MIER1: variants seen among roughly 807,000 people sequenced by gnomAD.
MIER1 encodes the protein mesoderm induction early response protein 1.
A neutral mutation model predicts 75.7 loss-of-function variants in MIER1; 40 were observed. That is an observed-to-expected ratio of 0.53 (90% confidence interval 0.41 to 0.69). MIER1 has a LOEUF of 0.69. Ranked by LOEUF, MIER1 falls within the 30% of genes least tolerant of loss-of-function variation. The probability of loss-of-function intolerance (pLI) is 0.00; values close to 1 mark genes in which losing one functional copy is unlikely to be tolerated. For missense variants in MIER1, 574 were observed against 680.2 expected, an observed-to-expected ratio of 0.84 and a Z score of 1.74; for synonymous variants, 213 against 223.4, an observed-to-expected ratio of 0.95 and a Z score of 0.42.
intron 13 of MIER1, among the ~76,000 whole-genome samples, chr1:66,984,015 C>T (rs1211391659): frequency 3.9e-5 from 6 of 152,228 alleles, no homozygotes; most frequent in African/African-American, 1.2e-4. Context: ...TGAGCCACTG[C>T]ACCCAGCCTT....
At position 66,987,146 on chromosome 1, in the gene MIER1, T is replaced by C. The variant is rs144768827; in HGVS notation, c.*2246T>C. On this transcript the variant is annotated 3_prime_UTR_variant, in exon 14 of 14. Transcript: ENST00000401041. ...CCTAATGAAAGACATTCCACTATTA[T>C]GCGTAATGCTCAGCTTTTTGTAAAG... is the stretch of plus-strand genomic sequence containing the variant. 5 of 152,874 alleles carry C rather than the reference T, an allele frequency of 3.3e-5. No homozygotes were observed. Among genetic ancestry groups the C allele is most frequent in the Admixed American group, 2.0e-4 (3 of 15,304 alleles). The allele number at this position is 152,874 out of a possible 1,614,324, so 9.5% of individuals were successfully genotyped here.
Position 66,986,239 on chromosome 1 carries a change from CTGTG to C in MIER1, c.*1342_*1345del. The C allele has an allele frequency of 7.5e-7, 1 of 1,328,446 alleles. No homozygotes were observed. The highest frequency in any genetic ancestry group is 1.5e-5 in the African/African-American group (1 of 66,684). The allele number at this position is 1,328,446 out of a possible 1,614,324, so 82.3% of individuals were successfully genotyped here. On this transcript the variant is annotated 3_prime_UTR_variant, in exon 14 of 14. Coordinates refer to ENST00000401041, the MANE Select transcript of MIER1 (RefSeq NM_001077700.3). ...AATAAGATACACAATAATCATTGCT[CTGTG>C]TGATTACAGATAGGATTATCCATCT... is the stretch of plus-strand genomic sequence containing the variant.
chr1:66,984,692 A>G lies in MIER1; in HGVS notation c.1490A>G (p.Asn497Ser). Residue 497 changes from asparagine to serine, a missense_variant, in exon 14 of 14, where the codon AAT becomes AGT. Transcript: ENST00000401041. ...CCACTTCATGCAGATATGGATACTA[A>G]TGGTTATGAAACAGATAACCTTACC... ...KKPLHADMDTNGYETDNLTTD... is the reference protein window; with the variant it reads ...KKPLHADMDTSGYETDNLTTD... 1 of 1,614,074 alleles carries G rather than the reference A, an allele frequency of 6.2e-7. No individual in the cohort carries two copies.
chr1:66,985,741 T>G lies in MIER1; in HGVS notation c.*841T>G. On this transcript the variant is annotated 3_prime_UTR_variant, in exon 14 of 14. Transcript: ENST00000401041. The stretch of plus-strand genomic sequence containing the variant: ...TTTTGCTAAGGTTTTTCTAATGAAT[T>G]TTTAAGTGTTTGTGTAGTAATTAAG... 1 of 979,878 alleles carries G rather than the reference T, an allele frequency of 1.0e-6. No individual in the cohort carries two copies. Among genetic ancestry groups the G allele is most frequent in the Non-Finnish European group, 1.2e-6 (1 of 824,984 alleles). The allele number at this position is 979,878 out of a possible 1,614,324, so 60.7% of individuals were successfully genotyped here.
chr1:66,937,109 A>G (rs1044318662), intron 2 of MIER1, among the ~76,000 whole-genome samples: 2 of 152,054 alleles, frequency 1.3e-5, no homozygotes, highest in African/African-American at 4.8e-5. Flanking sequence ...ACAAAAGGAC[A>G]CTATAAAAGG....
At chr1:66,942,135 TATAA>T (rs1447191642) in intron 3 of MIER1, among the ~76,000 whole-genome samples, 1 of 152,216 alleles carries the variant, frequency 6.6e-6, no homozygotes, top group African/African-American at 2.4e-5. Flanking sequence ...TTATTGTTCT[TATAA>T]ATAATGTTAA....
At position 66,988,113 on chromosome 1, in the gene MIER1, T is replaced by TGTGTGCTCATGACCCTA. The variant is rs142144569; in HGVS notation, c.*3214_*3215insTGTGCTCATGACCCTAG. On this transcript the variant is annotated 3_prime_UTR_variant, in exon 14 of 14. Transcript: ENST00000401041. Reference sequence around the variant, plus strand: ...GTGAATATAATAGGCAATATTTACATGGGGTGTGTAACTAAATACCAAATC... The same window carrying TGTGTGCTCATGACCCTA: ...GTGAATATAATAGGCAATATTTACATGTGTGCTCATGACCCTAGGGGTGTGTAACTAAATACCAAATC... 49 of 152,180 alleles carry TGTGTGCTCATGACCCTA rather than the reference T, an allele frequency of 3.2e-4. No homozygotes were observed. The highest frequency in any genetic ancestry group is 5.9e-4 in the Admixed American group (9 of 15,270). 9.4% of individuals were successfully genotyped at this position (152,180 alleles called of 1,614,324 possible). A position where few individuals can be genotyped will look rare whatever the true frequency, so the allele number is the denominator to read the frequency against.
At position 66,940,908 on chromosome 1, in the gene MIER1, G is replaced by C. The variant is rs372039288; in HGVS notation, c.193+856G>C. 6.6e-5 allele frequency among the ~76,000 whole-genome samples: 10 copies of C among 152,294 alleles called. No individual in the cohort carries two copies. The East Asian group carries it at 1.4e-3, about 21-fold the overall frequency. ...CTGCATGGGATATGTGGGTTAAAGAGTAGTCCAATATAGAAGAGTGAGAAA... is the reference window on the plus strand; with the variant it reads ...CTGCATGGGATATGTGGGTTAAAGACTAGTCCAATATAGAAGAGTGAGAAA... On this transcript the variant is annotated intron_variant, in intron 3 of 13. Coordinates refer to ENST00000401041, the MANE Select transcript of MIER1 (RefSeq NM_001077700.3).
At chr1:66,934,670 T>A (rs957335578) in intron 2 of MIER1, among the ~76,000 whole-genome samples, 1 of 151,978 alleles carries the variant, frequency 6.6e-6, no homozygotes, top group African/African-American at 2.4e-5. Flanking sequence ...GCTGGGATTA[T>A]AGGCGTGTGC....
intron 2 of MIER1, among the ~76,000 whole-genome samples, chr1:66,933,742 G>A (rs891997450): frequency 6.6e-6 from 1 of 152,094 alleles, no homozygotes; most frequent in African/African-American, 2.4e-5. Context: ...TCACCAGTGC[G>A]TGAGAGTCCT....
intron 12 of MIER1, among the ~76,000 whole-genome samples, chr1:66,977,414 G>GT (rs1266409582): frequency 2.0e-5 from 3 of 151,870 alleles, no homozygotes; most frequent in Admixed American, 1.3e-4. Context: ...CCAGCATACA[G>GT]TTTTTTTATA....
At chr1:66,943,510 C>T (rs1346476392) in intron 3 of MIER1, among the ~76,000 whole-genome samples, 2 of 151,840 alleles carry the variant, frequency 1.3e-5, no homozygotes, top group African/African-American at 4.8e-5. Context: ...ATATCAGTTC[C>T]TTTCCTTTCC....
chr1:66,942,933 A>T (rs1179393389), intron 3 of MIER1, among the ~76,000 whole-genome samples: 1 of 152,240 alleles, frequency 6.6e-6, no homozygotes, highest in African/African-American at 2.4e-5. Context: ...TATACCTATG[A>T]ACTTGAATTT....
chr1:66,962,527 T>C (rs993087357), intron 7 of MIER1, among the ~76,000 whole-genome samples: 3 of 152,108 alleles, frequency 2.0e-5, no homozygotes, highest in Non-Finnish European at 4.4e-5. Flanking sequence ...TTTCTAACAG[T>C]TTCCCATTAG....
At chr1:66,962,614 C>G (rs555052673) in intron 7 of MIER1, among the ~76,000 whole-genome samples, 1 of 151,910 alleles carries the variant, frequency 6.6e-6, no homozygotes, top group Non-Finnish European at 1.5e-5. Flanking sequence ...CCTGGGAGGT[C>G]GAGGCTGCAG....
chr1:66,947,849 G>T (rs978751875), intron 4 of MIER1: 44 of 791,896 alleles, frequency 5.6e-5, no homozygotes, highest in Non-Finnish European at 6.6e-5. Context: ...TGTTAAATAG[G>T]CTAGTTTCTT....
At chr1:66,983,227 C>G (rs1414230559) in intron 13 of MIER1, among the ~76,000 whole-genome samples, 1 of 152,184 alleles carries the variant, frequency 6.6e-6, no homozygotes, top group Non-Finnish European at 1.5e-5. Context: ...TTAATTAGTA[C>G]TTTGAAATCT....
chr1:66,927,587 T>C, intron 2 of MIER1, among the ~76,000 whole-genome samples: 1 of 152,142 alleles, frequency 6.6e-6, no homozygotes, highest in East Asian at 1.9e-4. Flanking sequence ...ATTAACTGTT[T>C]GCATTTGGAT....
chr1:66,978,745 A>G (rs1665276306), intron 12 of MIER1, among the ~76,000 whole-genome samples: 1 of 152,182 alleles, frequency 6.6e-6, no homozygotes, highest in Non-Finnish European at 1.5e-5. Flanking sequence ...GCTGGGTCAG[A>G]CCCATGGTTC....
Sources: gnomAD v4.1 joint callset for allele counts (sites outside exome capture counted in the v4.1 genomes callset) on GRCh38, gnomAD v4.1.1 for gene constraint, MANE v1.5 for transcripts, NCBI Gene and HGNC (gene_info 2026-07-23, HGNC 2026-07-21) for gene names.